The following CACNA1B variants were observed in gnomAD, a reference collection of about 807,000 sequenced individuals.
CACNA1B encodes the protein voltage-dependent N-type calcium channel subunit alpha-1B.
A neutral mutation model predicts 247.2 loss-of-function variants in CACNA1B; 70 were observed. The observed-to-expected ratio is 0.28, with a 90% confidence interval of 0.23 to 0.35. The LOEUF (loss-of-function observed/expected upper bound fraction) is 0.35, where lower values mean the gene tolerates loss of function less well. Among genes scored for constraint, CACNA1B ranks in the 10% least tolerant of loss-of-function variants. The probability of loss-of-function intolerance (pLI) is 1.00; values close to 1 mark genes in which losing one functional copy is unlikely to be tolerated. For synonymous variants in CACNA1B, 1,231 were observed against 1,294.4 expected (o/e 0.95, Z 1.05); for missense variants, 2,367 against 3,197.4 (o/e 0.74, Z 6.26).
Position 138,023,718 on chromosome 9 carries a change from T to TGGAGAAGGAGACCAC in CACNA1B, c.2986_3000dup (p.Thr996_Glu1000dup), listed in dbSNP as rs145816559. ...AAGGCGCAGCCTGCTCACGAGGCTG[T>TGGAGAAGGAGACCAC]GGAGAAGGAGACCACGGAGAAGGAG... is the stretch of plus-strand genomic sequence containing the variant. On this transcript the variant is annotated inframe_insertion, in exon 19 of 47. Coordinates refer to ENST00000371372, the MANE Select transcript of CACNA1B (RefSeq NM_000718.4). The TGGAGAAGGAGACCAC allele has an allele frequency of 1.1e-5, 17 of 1,544,876 alleles. No homozygotes were observed. Among genetic ancestry groups the TGGAGAAGGAGACCAC allele is most frequent in the African/African-American group, 1.4e-5 (1 of 72,112 alleles).
rs117082335 is a variant in CACNA1B at position 138,051,538 on chromosome 9, G to A, written c.3711-554G>A. Among the ~76,000 whole-genome samples the A allele has an allele frequency of 0.023, 3,131 of 136,904 alleles. 50 individuals carry two copies. The highest frequency in any genetic ancestry group is 0.033 in the Non-Finnish European group (2,174 of 65,852). The allele number at this position is 136,904 out of a possible 152,430, so 89.8% of individuals were successfully genotyped here. Reference sequence around the variant, plus strand: ...TGCCTCTTGCATTGCCTCTGTATTCGTCCGACTTTTTCTCTTTCTTACTCT... The same window carrying A: ...TGCCTCTTGCATTGCCTCTGTATTCATCCGACTTTTTCTCTTTCTTACTCT... On this transcript the variant is annotated intron_variant, in intron 24 of 46. Coordinates refer to ENST00000371372, the MANE Select transcript of CACNA1B (RefSeq NM_000718.4). The surrounding 1 kb of genome is among the most constrained non-coding windows in gnomAD (Gnocchi z 4.3).
chr9:138,008,202 G>C (rs900808133), intron 16 of CACNA1B, among the ~76,000 whole-genome samples: 5 of 152,232 alleles, frequency 3.3e-5, no homozygotes, highest in African/African-American at 9.6e-5. Context: ...GGTTGTCAGA[G>C]AGGGACGGAA....
rs544151740 is a variant in CACNA1B, at chr9:137,877,818, C to G, written c.-116C>G. 4.1e-6 allele frequency: 2 copies of G among 483,252 alleles called. No individual in the cohort carries two copies. Among genetic ancestry groups the G allele is most frequent in the African/African-American group, 4.2e-5 (2 of 47,122 alleles). 29.9% of individuals were successfully genotyped at this position (483,252 alleles called of 1,614,324 possible). On this transcript the variant is annotated 5_prime_UTR_variant, in exon 1 of 47. Transcript: ENST00000371372. ...CGGCGGCTGCGGCGGTGGGGCCGGG[C>G]GAGGTCCGCTGCGGTCCCGGCGGCT...
At chr9:138,060,020 C>T in intron 31 of CACNA1B, among the ~76,000 whole-genome samples, 1 of 152,160 alleles carries the variant, frequency 6.6e-6, no homozygotes, top group East Asian at 1.9e-4. Flanking sequence ...AGATGTGAAT[C>T]TTAAATTTGT....
chr9:138,000,369 A>G (rs568487070), intron 15 of CACNA1B, among the ~76,000 whole-genome samples: 95 of 152,302 alleles, frequency 6.2e-4, no homozygotes, highest in Middle Eastern at 3.4e-3. Flanking sequence ...AAGTGCTGGG[A>G]TTACAGACAT....
chr9:138,025,145 C>T lies in CACNA1B; in HGVS notation c.3259C>T (p.Pro1087Ser). 1 of 1,612,210 alleles carries T rather than the reference C, an allele frequency of 6.2e-7. No individual in the cohort carries two copies. The change falls in exon 20 of 47, where the codon CCT becomes TCT. Residue 1087 changes from proline (P) to serine (S), a missense_variant. Physicochemically the swap from Pro to Ser is moderately conservative, Grantham distance 74. Transcript: ENST00000371372. Reference protein sequence around the residue: ...IVHIPVMLTGPLGEATVVPSG... With the variant: ...IVHIPVMLTGSLGEATVVPSG... ...ACATATCCCAGTGATGCTGACGGGC[C>T]CTCTTGGGGAAGCCACGGTCGTTCC...
chr9:137,879,191 G>T (rs1956882718), intron 2 of CACNA1B, 32 bp downstream of exon 2: 1 of 1,426,178 alleles, frequency 7.0e-7, no homozygotes, highest in Non-Finnish European at 9.8e-7. Context: ...AGGGCAGGGT[G>T]GTGGGGAGGC....
rs549649468 is a variant in CACNA1B at position 137,977,466 on chromosome 9, A to G, written c.1656+1447A>G. Among the ~76,000 whole-genome samples the G allele has an allele frequency of 1.5e-3, 213 of 145,256 alleles. 3 individuals carry two copies. The highest frequency in any genetic ancestry group is 0.011 in the Admixed American group (163 of 14,712). On this transcript the variant is annotated intron_variant, in intron 12 of 46. Transcript: ENST00000371372. ...AGAGGGCAGGGCAGGGCAGTCTGAGAATTACCAACTTATGTAGGTAGGGAG... is the reference window on the plus strand; with the variant it reads ...AGAGGGCAGGGCAGGGCAGTCTGAGGATTACCAACTTATGTAGGTAGGGAG...
At chr9:137,972,882 G>T (rs1325428924) in intron 11 of CACNA1B, among the ~76,000 whole-genome samples, 2 of 152,224 alleles carry the variant, frequency 1.3e-5, no homozygotes, top group Non-Finnish European at 2.9e-5. Flanking sequence ...ACATGGAACT[G>T]CCTGTCCCAG....
chr9:137,910,507 T>G (rs1354501622), intron 3 of CACNA1B, among the ~76,000 whole-genome samples: 1 of 152,172 alleles, frequency 6.6e-6, no homozygotes, highest in East Asian at 1.9e-4. Context: ...TCTATTATTG[T>G]TACATTGTGA....
chr9:137,888,400 C>G lies in CACNA1B; in HGVS notation c.530+5517C>G, dbSNP rs1230602167. Among the ~76,000 whole-genome samples the G allele has an allele frequency of 3.9e-5, 6 of 152,176 alleles. No homozygotes were observed. The highest frequency in any genetic ancestry group is 1.2e-4 in the African/African-American group (5 of 41,454). On this transcript the variant is annotated intron_variant, in intron 3 of 46. Transcript: ENST00000371372. This position sits in a 1 kb window ranked among gnomAD's most constrained non-coding sequence, Gnocchi z 4.7. ...CTGTCAAGCCTCTGGCCCTGTGGGG[C>G]TGGTTGCACCTGGGGGTCAGGGACA...
intron 10 of CACNA1B, among the ~76,000 whole-genome samples, chr9:137,962,241 C>G (rs1958028588): frequency 6.7e-6 from 1 of 149,862 alleles, no homozygotes; most frequent in South Asian, 2.1e-4. Flanking sequence ...TTTATCATTT[C>G]TGATTGTGTT....
intron 15 of CACNA1B, among the ~76,000 whole-genome samples, chr9:138,004,804 C>G (rs1427263070): frequency 6.6e-6 from 1 of 152,142 alleles, no homozygotes; most frequent in Non-Finnish European, 1.5e-5. Flanking sequence ...AACAAATAAT[C>G]ACATTTAAAA....
At chr9:138,101,669 G>A (rs997370051) in intron 37 of CACNA1B, among the ~76,000 whole-genome samples, 13 of 152,240 alleles carry the variant, frequency 8.5e-5, no homozygotes, top group African/African-American at 3.1e-4. Flanking sequence ...GAGGCAGAGT[G>A]GGGGCCAAAG....
At chr9:137,947,726 C>T (rs373517888) in intron 6 of CACNA1B, among the ~76,000 whole-genome samples, 140 of 152,000 alleles carry the variant, frequency 9.2e-4, no homozygotes, top group African/African-American at 2.9e-3. Flanking sequence ...CTGGGTTGAC[C>T]GTTCTTTTCT....
chr9:138,121,966 C>G lies in CACNA1B; in HGVS notation c.6987C>G (p.Ser2329Arg). The change falls in exon 47 of 47, where the codon AGC becomes AGG. Residue 2329 changes from serine to arginine, a missense_variant. Ser to Arg is a moderately radical substitution (Grantham distance 110, BLOSUM62 -1). Coordinates refer to ENST00000371372, the MANE Select transcript of CACNA1B (RefSeq NM_000718.4). This position sits in a 1 kb window ranked among gnomAD's most constrained non-coding sequence, Gnocchi z 6.8. ...GCTCGGGTGGCCGAGCACGGCACAG[C>G]TACCACCACCCTGACCAAGACCACT... ...GLSSGGRARH[S>R]YHHPDQDHWC 1 of 1,601,988 alleles carries G rather than the reference C, an allele frequency of 6.2e-7. No homozygotes were observed.
Position 137,913,327 on chromosome 9 carries a change from C to T in CACNA1B, c.622+56C>T. 3.0e-6 allele frequency: 4 copies of T among 1,328,848 alleles called. No homozygotes were observed. The highest frequency in any genetic ancestry group is 1.2e-5 in the South Asian group (1 of 83,304). 82.3% of individuals were successfully genotyped at this position (1,328,848 alleles called of 1,614,324 possible). A position where few individuals can be genotyped will look rare whatever the true frequency, so the allele number is the denominator to read the frequency against. On this transcript the variant is annotated intron_variant, in intron 4 of 46. Coordinates refer to ENST00000371372, the MANE Select transcript of CACNA1B (RefSeq NM_000718.4). The surrounding 1 kb of genome is among the most constrained non-coding windows in gnomAD (Gnocchi z 5.2). ...CTTGGAGTAACAACCTCCTCTCCTACCCTCACCACGGACATGGCCATGGCC... is the reference window on the plus strand; with the variant it reads ...CTTGGAGTAACAACCTCCTCTCCTATCCTCACCACGGACATGGCCATGGCC...
At chr9:137,898,483 T>C (rs1257889244) in intron 3 of CACNA1B, among the ~76,000 whole-genome samples, 1 of 151,910 alleles carries the variant, frequency 6.6e-6, no homozygotes, top group Non-Finnish European at 1.5e-5. Flanking sequence ...TGAGGCTCTG[T>C]TGTTCTTCTT....
At position 137,882,014 on chromosome 9, in the gene CACNA1B, A is replaced by C. The variant is rs532413421; in HGVS notation, c.391-730A>C. Reference sequence around the variant, plus strand: ...GGGTGGCTCCCAGCTTCAGGCTCAGACTGTGGCTGGCTGCCTCCAGGGTCC... The same window carrying C: ...GGGTGGCTCCCAGCTTCAGGCTCAGCCTGTGGCTGGCTGCCTCCAGGGTCC... On this transcript the variant is annotated intron_variant, in intron 2 of 46. Transcript: ENST00000371372. The surrounding 1 kb of genome is among the most constrained non-coding windows in gnomAD (Gnocchi z 4.0). Among the ~76,000 whole-genome samples, 74 of 152,210 alleles carry C rather than the reference A, an allele frequency of 4.9e-4. No individual in the cohort carries two copies. The highest frequency in any genetic ancestry group is 8.5e-4 in the Non-Finnish European group (58 of 67,976).
Sources: gnomAD v4.1 joint callset for allele counts (sites outside exome capture counted in the v4.1 genomes callset) on GRCh38, gnomAD v4.1.1 for gene constraint, Gnocchi (gnomAD v3.1) non-coding constraint, MANE v1.5 for transcripts, NCBI Gene and HGNC (gene_info 2026-07-23, HGNC 2026-07-21) for gene names.